Variants in NUP210 observed in about 807,000 individuals in gnomAD.
The protein encoded by NUP210 is nucleoporin 210, also known as nuclear pore membrane glycoprotein 210.
Under a neutral mutation model 196.0 loss-of-function variants are expected in NUP210, and 151 were observed. The ratio of observed to expected loss-of-function variants is 0.77; its 90% CI spans 0.67 to 0.88. NUP210 has a LOEUF of 0.88. NUP210 is among the 40% of genes least tolerant of loss of function. The probability of loss-of-function intolerance (pLI) is 0.00; values close to 1 mark genes in which losing one functional copy is unlikely to be tolerated. For missense variants in NUP210, 2,314 were observed against 2,493.7 expected (o/e 0.93, Z 1.53); for synonymous variants, 1,070 against 1,052.7 (o/e 1.02, Z -0.32).
intron 6 of NUP210, among the ~76,000 whole-genome samples, chr3:13,380,661 A>T (rs1699070159): frequency 6.6e-6 from 1 of 152,154 alleles, no homozygotes; most frequent in South Asian, 2.1e-4. Flanking sequence ...GAGAAGAGAG[A>T]AGAGGACACA....
At chr3:13,403,799 C>T (rs1181053523) in intron 1 of NUP210, among the ~76,000 whole-genome samples, 1 of 152,180 alleles carries the variant, frequency 6.6e-6, no homozygotes, top group African/African-American at 2.4e-5. Flanking sequence ...GGAAGGCTTG[C>T]CTCAGCCATC....
chr3:13,388,289 C>T lies in NUP210; in HGVS notation c.684+14G>A, dbSNP rs368258772. On this transcript the variant is annotated intron_variant, in intron 5 of 39. Coordinates refer to ENST00000254508, the MANE Select transcript of NUP210 (RefSeq NM_024923.4). ...CCCAGGAAGCCCACTGACACCCCAG[C>T]GCCCCAGGCCCACCTTGTAGACAGC... The T allele has an allele frequency of 6.3e-6, 10 of 1,582,616 alleles. No individual in the cohort carries two copies. In the East Asian group the frequency reaches 9.1e-5, roughly 14 times the overall value.
At chr3:13,338,467 C>T (rs770598472) in intron 25 of NUP210, among the ~76,000 whole-genome samples, 8 of 152,196 alleles carry the variant, frequency 5.3e-5, no homozygotes, top group Non-Finnish European at 1.2e-4. Flanking sequence ...TATTAAAACC[C>T]TTAGACTCTC....
At chr3:13,359,564 C>T (rs1008707708) in intron 15 of NUP210, among the ~76,000 whole-genome samples, 11 of 152,184 alleles carry the variant, frequency 7.2e-5, no homozygotes, top group Non-Finnish European at 1.5e-5. Flanking sequence ...ATACCCTTCA[C>T]GTCCCAAAGA....
In NUP210 at chr3:13,368,366, C is replaced by A. The variant is rs780924262; in HGVS notation, c.1787-2275G>T. 4.6e-5 allele frequency among the ~76,000 whole-genome samples: 7 copies of A among 152,234 alleles called. No homozygotes were observed. In the East Asian group the frequency reaches 1.4e-3, roughly 29 times the overall value. On this transcript the variant is annotated intron_variant, in intron 13 of 39. Coordinates refer to ENST00000254508, the MANE Select transcript of NUP210 (RefSeq NM_024923.4). ...TGCTGGGATTAAGGGCATGGGCCAC[C>A]GTGCCCAGCCTAAAATTTTATCTTA...
chr3:13,384,591 T>G (rs1185313060), intron 6 of NUP210, among the ~76,000 whole-genome samples: 1 of 152,138 alleles, frequency 6.6e-6, no homozygotes, highest in East Asian at 1.9e-4. Flanking sequence ...TAAAGTAACT[T>G]TAAAAAGAAA....
intron 3 of NUP210, 145 bp downstream of exon 3, chr3:13,397,212 A>C: frequency 2.1e-6 from 2 of 972,880 alleles, no homozygotes; most frequent in Non-Finnish European, 2.9e-6. Flanking sequence ...CCCAGCACCA[A>C]CTTCACCTGC....
At chr3:13,341,299 TATG>T (rs1318593293) in intron 23 of NUP210, among the ~76,000 whole-genome samples, 1 of 152,208 alleles carries the variant, frequency 6.6e-6, no homozygotes, top group African/African-American at 2.4e-5. Context: ...GAGTTCCCTT[TATG>T]ATACCTCTGC....
chr3:13,355,349 G>A (rs565109723), intron 16 of NUP210, among the ~76,000 whole-genome samples: 3 of 152,280 alleles, frequency 2.0e-5, no homozygotes, highest in South Asian at 2.1e-4. Flanking sequence ...GCCAGATCCC[G>A]ACCTGCCACA....
chr3:13,341,802 T>C lies in NUP210; in HGVS notation c.3174A>G (p.Ala1058=). The C allele has an allele frequency of 1.9e-6, 3 of 1,614,234 alleles. No individual in the cohort carries two copies. Among genetic ancestry groups the C allele is most frequent in the Middle Eastern group, 1.6e-4 (1 of 6,062 alleles). The change falls in exon 23 of 40, where the codon GCA becomes GCG. Residue 1058 remains alanine, a synonymous_variant. Coordinates refer to ENST00000254508, the MANE Select transcript of NUP210 (RefSeq NM_024923.4). ...GVAIGQTSLT[A]SVTNKAGQRI... ...TCTGTCCAGCTTTATTGGTCACACT[T>C]GCAGTTAGACTGGTCTGGCCGATGG...
At chr3:13,357,407 T>G (rs1257370320) in intron 16 of NUP210, among the ~76,000 whole-genome samples, 4 of 152,222 alleles carry the variant, frequency 2.6e-5, no homozygotes, top group Non-Finnish European at 5.9e-5. Context: ...ATCTTATTTG[T>G]GCATCTCCTG....
At chr3:13,394,498 CAGT>C (rs1213979117) in intron 3 of NUP210, among the ~76,000 whole-genome samples, 2 of 152,244 alleles carry the variant, frequency 1.3e-5, no homozygotes, top group Non-Finnish European at 2.9e-5. Flanking sequence ...GAAAATGCAG[CAGT>C]AGGAGACAGG....
chr3:13,414,210 C>G (rs1700268904), intron 1 of NUP210, among the ~76,000 whole-genome samples: 1 of 152,248 alleles, frequency 6.6e-6, no homozygotes, highest in Admixed American at 6.5e-5. Context: ...CACGCCACCT[C>G]CCATCCACCC....
intron 4 of NUP210, 63 bp from the exon 5 acceptor site, chr3:13,388,516 C>G (rs1699360413): frequency 6.6e-7 from 1 of 1,515,812 alleles, no homozygotes. Context: ...TTGTCAGAAT[C>G]TACCACAGCA....
At chr3:13,368,285 G>A (rs150191973) in intron 13 of NUP210, among the ~76,000 whole-genome samples, 7 of 152,168 alleles carry the variant, frequency 4.6e-5, no homozygotes, top group African/African-American at 1.7e-4. Context: ...TTATGCTGCT[G>A]AGGCTGGTCT....
In NUP210 at chr3:13,327,399, T is replaced by A. The variant is rs754029061; in HGVS notation, c.4325A>T (p.Asn1442Ile). The change falls in exon 32 of 40, where the codon AAC becomes ATC. Residue 1442 changes from asparagine (N) to isoleucine (I), a missense_variant. Transcript: ENST00000254508. ...FVQIGKGPTNNTCVVRTVSVG... is the reference protein window; with the variant it reads ...FVQIGKGPTNITCVVRTVSVG... ...GCTGACTGTGCGGACAACGCAGGTG[T>A]TGTTGGTGGGGCCCTTCCCGATCTG... is the stretch of plus-strand genomic sequence containing the variant. 1 of 1,612,858 alleles carries A rather than the reference T, an allele frequency of 6.2e-7. No homozygotes were observed. Among genetic ancestry groups the A allele is most frequent in the Admixed American group, 1.7e-5 (1 of 59,968 alleles).
intron 1 of NUP210, among the ~76,000 whole-genome samples, chr3:13,409,986 G>A (rs11926068): frequency 1.4e-5 from 2 of 146,252 alleles, no homozygotes; most frequent in Admixed American, 6.8e-5. Flanking sequence ...ACAGGTGCAC[G>A]CCACCTGTAA....
intron 21 of NUP210, among the ~76,000 whole-genome samples, chr3:13,342,646 A>C (rs1697559201): frequency 6.6e-6 from 1 of 152,224 alleles, no homozygotes; most frequent in African/African-American, 2.4e-5. Context: ...TCCACTGAGG[A>C]ACCTGACCGC....
intron 39 of NUP210, among the ~76,000 whole-genome samples, chr3:13,318,184 G>A (rs1376320601): frequency 6.6e-6 from 1 of 152,226 alleles, no homozygotes; most frequent in Non-Finnish European, 1.5e-5. Flanking sequence ...CAGAGATCCA[G>A]GTGTGGCTCC....
Sources: allele counts gnomAD v4.1 joint callset (sites outside exome capture counted in the v4.1 genomes callset), GRCh38; gene constraint gnomAD v4.1.1; transcripts MANE v1.5; gene names NCBI Gene and HGNC (gene_info 2026-07-23, HGNC 2026-07-21).